The following INHBA variants were observed in gnomAD, a reference collection of about 807,000 sequenced individuals.
INHBA encodes inhibin beta A chain.
In INHBA, 1 loss-of-function variant was observed where a neutral mutation model predicts 29.0. That is an observed-to-expected ratio of 0.03 (90% CI 0.01 to 0.16). The LOEUF (loss-of-function observed/expected upper bound fraction) is 0.16. Among genes scored for constraint, INHBA ranks in the 10% least tolerant of loss-of-function variants. INHBA has a pLI of 1.00. For missense variants in INHBA, 376 were observed against 545.4 expected (o/e 0.69, Z 3.09); for synonymous variants, 242 against 216.8 (o/e 1.12, Z -1.02).
intron 1 of INHBA, among the ~76,000 whole-genome samples, chr7:41,700,841 AAGAGAG>A (rs3030163): frequency 0.24 from 18,915 of 78,886 alleles, 2,618 homozygotes; most frequent in African/African-American, 0.43. Flanking sequence ...GAGGGAAAGG[AAGAGAG>A]AGAGAGAGAG....
At position 41,687,512 on chromosome 7, in the gene INHBA, C is replaced by T. The variant is rs1794412832; in HGVS notation, c.*2138G>A. Reference sequence around the variant, plus strand: ...AGTACTAGAATAAACTAGATAAAAACTTGGCTTTAAGCATGTACTTTGATA... The same window carrying T: ...AGTACTAGAATAAACTAGATAAAAATTTGGCTTTAAGCATGTACTTTGATA... On this transcript the variant is annotated 3_prime_UTR_variant, in exon 3 of 3. Coordinates refer to ENST00000242208, the MANE Select transcript of INHBA (RefSeq NM_002192.4). 1 of 152,056 alleles carries T rather than the reference C, an allele frequency of 6.6e-6. No homozygotes were observed. The highest frequency in any genetic ancestry group is 2.4e-5 in the African/African-American group (1 of 41,390). The allele number at this position is 152,056 out of a possible 1,614,324, so 9.4% of individuals were successfully genotyped here.
At chr7:41,699,760 T>A (rs1794729598) in intron 2 of INHBA, among the ~76,000 whole-genome samples, 1 of 152,040 alleles carries the variant, frequency 6.6e-6, no homozygotes. Flanking sequence ...TGTAAGCCAG[T>A]CATCTCCAGG....
At chr7:41,698,770 G>T (rs1562569941) in intron 2 of INHBA, among the ~76,000 whole-genome samples, 2 of 152,190 alleles carry the variant, frequency 1.3e-5, no homozygotes, top group Admixed American at 1.3e-4. Context: ...TGGTTTTCTT[G>T]AAAACAGAAC....
chr7:41,689,785 G>A lies in INHBA; in HGVS notation c.1146C>T (p.Ser382=), dbSNP rs376722349. The change falls in exon 3 of 3, where the codon AGC becomes AGT. Residue 382 remains serine, a synonymous_variant. Coordinates refer to ENST00000242208, the MANE Select transcript of INHBA (RefSeq NM_002192.4). The stretch of plus-strand genomic sequence containing the variant: ...AGCACGATTTGAGGTTGGCAAAGGG[G>A]CTATGGCCCCGCATGCGGTAGTGGT... ...VINHYRMRGH[S]PFANLKSCCV... is the part of the protein sequence containing the mutation. 11 of 1,614,088 alleles carry A rather than the reference G, an allele frequency of 6.8e-6. No homozygotes were observed. In the Admixed American group the frequency reaches 1.2e-4, roughly 17 times the overall value.
chr7:41,692,716 G>T (rs760575630), intron 2 of INHBA, among the ~76,000 whole-genome samples: 2 of 152,244 alleles, frequency 1.3e-5, no homozygotes, highest in Non-Finnish European at 2.9e-5. Flanking sequence ...AGAGCAGAGA[G>T]AGCAGTTAGA....
intron 2 of INHBA, among the ~76,000 whole-genome samples, chr7:41,698,036 C>T (rs754420076): frequency 2.0e-5 from 3 of 152,090 alleles, no homozygotes; most frequent in Non-Finnish European, 2.9e-5. Flanking sequence ...TCAATGTGAA[C>T]GTCCAACGAA....
At chr7:41,704,316 G>C (rs780464228), upstream of INHBA, among the ~76,000 whole-genome samples, 10 of 151,290 alleles carry the variant, frequency 6.6e-5, no homozygotes, top group Non-Finnish European at 1.5e-4. Context: ...GTGGGGGGAA[G>C]GAGTATTCTA....
At position 41,686,240 on chromosome 7, in the gene INHBA, C is replaced by T. The variant is rs759434070; in HGVS notation, c.*3410G>A. 3.3e-5 allele frequency: 5 copies of T among 151,938 alleles called. No individual in the cohort carries two copies. Among genetic ancestry groups the T allele is most frequent in the Admixed American group, 2.0e-4 (3 of 15,246 alleles). 9.4% of individuals were successfully genotyped at this position (151,938 alleles called of 1,614,324 possible). ...ACCTGACTTTTTTGGAAAAAATAGT[C>T]GAAAATGTCAATTTGGTCCATAAAA... On this transcript the variant is annotated 3_prime_UTR_variant, in exon 3 of 3. Transcript: ENST00000242208.
At chr7:41,699,941 T>TGCCCC in intron 2 of INHBA, 46 bp downstream of exon 2, 1 of 118,748 alleles carries the variant, frequency 8.4e-6, no homozygotes. Flanking sequence ...TATTTTACCC[T>TGCCCC]CCCACCCCCC....
At chr7:41,704,982 G>A (rs529430472), upstream of INHBA, among the ~76,000 whole-genome samples, 1 of 152,042 alleles carries the variant, frequency 6.6e-6, no homozygotes, top group African/African-American at 2.4e-5. Context: ...CCTACCAGCC[G>A]TGCTGCAACC....
rs1794437526 is a variant in INHBA, at chr7:41,688,813, AAATT to A, written c.*833_*836del. ...AAGTATCTCTCCTTGAAGAAAATAA[AAATT>A]AATCAGATTACTTCCAATACAAAAA... On this transcript the variant is annotated 3_prime_UTR_variant, in exon 3 of 3. Coordinates refer to ENST00000242208, the MANE Select transcript of INHBA (RefSeq NM_002192.4). 4.8e-6 allele frequency: 1 copy of A among 209,802 alleles called. No homozygotes were observed. The allele number at this position is 209,802 out of a possible 1,614,324, so 13.0% of individuals were successfully genotyped here.
chr7:41,690,129 C>G lies in INHBA; in HGVS notation c.802G>C (p.Glu268Gln). 6.2e-7 allele frequency: 1 copy of G among 1,613,588 alleles called. No individual in the cohort carries two copies. The highest frequency in any genetic ancestry group is 8.5e-7 in the Non-Finnish European group (1 of 1,179,964). ...TCACCTCCGCCCTTCTTTTTCCCTT[C>G]CCCCTCCTCTTCTTTCTTCTTCTTC... ...GKKKKKEEEG[E>Q]GKKKGGGEGG... The change falls in exon 3 of 3, where the codon GAA becomes CAA. Residue 268 changes from glutamate (E) to glutamine (Q), a missense_variant. Glu to Gln is a conservative substitution (Grantham distance 29). This residue lies in a region of INHBA where 253 missense variants were observed against 313.4 expected (regional missense o/e 0.81). Transcript: ENST00000242208.
chr7:41,699,521 T>G (rs1227591974), intron 2 of INHBA, among the ~76,000 whole-genome samples: 2 of 152,166 alleles, frequency 1.3e-5, no homozygotes, highest in Non-Finnish European at 1.5e-5. Context: ...TGACTTCATC[T>G]GTGCCATTCC....
chr7:41,703,953 G>C (rs1794854624), upstream of INHBA, among the ~76,000 whole-genome samples: 1 of 152,118 alleles, frequency 6.6e-6, no homozygotes, highest in African/African-American at 2.4e-5. Flanking sequence ...TTGTGGGGGA[G>C]GGGTGTTGGC....
At chr7:41,696,705 G>C (rs1794657954) in intron 2 of INHBA, among the ~76,000 whole-genome samples, 2 of 152,164 alleles carry the variant, frequency 1.3e-5, no homozygotes, top group African/African-American at 4.8e-5. Flanking sequence ...TCACAGAAAA[G>C]TTCGGAAGGT....
In INHBA at chr7:41,700,171, C is replaced by T; in HGVS notation, c.204G>A (p.Leu68=). Residue 68 remains leucine, a synonymous_variant, in exon 2 of 3, where the codon TTG becomes TTA. Transcript: ENST00000242208. ...VKKHILNMLH[L]KKRPDVTQPV... is the part of the protein sequence containing the mutation. ...GCTGGGTGACATCGGGTCTCTTCTT[C>T]AAGTGCAGCATGTTTAAAATGTGCT... 2.5e-6 allele frequency: 4 copies of T among 1,614,122 alleles called. No individual in the cohort carries two copies. The highest frequency in any genetic ancestry group is 2.5e-6 in the Non-Finnish European group (3 of 1,180,036).
At position 41,690,460 on chromosome 7, in the gene INHBA, G is replaced by A. The variant is rs1021477160; in HGVS notation, c.471C>T (p.Leu157=). The A allele has an allele frequency of 1.2e-6, 2 of 1,614,012 alleles. No homozygotes were observed. The highest frequency in any genetic ancestry group is 1.7e-5 in the Admixed American group (1 of 60,020). ...LSVVERAEVW[L]FLKVPKANRT... is the part of the protein sequence containing the mutation. ...TGTTGGCCTTGGGGACTTTTAGGAA[G>A]AGCCAGACTTCTGCACGCTCCACCA... Residue 157 remains leucine, a synonymous_variant, in exon 3 of 3, where the codon CTC becomes CTT. Transcript: ENST00000242208.
chr7:41,693,951 A>G (rs893049114), intron 2 of INHBA: 5 of 152,102 alleles, frequency 3.3e-5, no homozygotes, highest in African/African-American at 7.2e-5. Flanking sequence ...TGGAACTGCT[A>G]TTTGTATATT....
Position 41,689,799 on chromosome 7 carries a change from T to A in INHBA, c.1132A>T (p.Met378Leu). 2 of 1,614,138 alleles carry A rather than the reference T, an allele frequency of 1.2e-6. No homozygotes were observed. The highest frequency in any genetic ancestry group is 1.3e-5 in the African/African-American group (1 of 75,048). Reference protein sequence around the residue: ...FHSTVINHYRMRGHSPFANLK... With the variant: ...FHSTVINHYRLRGHSPFANLK... ...TTGGCAAAGGGGCTATGGCCCCGCA[T>A]GCGGTAGTGGTTGATGACTGTTGAG... is the stretch of plus-strand genomic sequence containing the variant. The change falls in exon 3 of 3, where the codon ATG (methionine) becomes TTG (leucine). Residue 378 changes from methionine (M) to leucine (L), a missense_variant. Transcript: ENST00000242208.
Sources: allele counts gnomAD v4.1 joint callset (sites outside exome capture counted in the v4.1 genomes callset), GRCh38; gene constraint gnomAD v4.1.1; regional missense constraint gnomAD v4.1.1; transcripts MANE v1.5; gene names NCBI Gene and HGNC (gene_info 2026-07-23, HGNC 2026-07-21).